The following DLC1 variants were observed in gnomAD, a reference collection of about 807,000 sequenced individuals.
The protein encoded by DLC1 is rho GTPase-activating protein 7.
Under a neutral mutation model 140.3 loss-of-function variants are expected in DLC1, and 54 were observed. The ratio of observed to expected loss-of-function variants is 0.38; its 90% CI spans 0.31 to 0.48. DLC1 has a LOEUF of 0.48. Ranked by LOEUF, DLC1 falls within the 20% of genes least tolerant of loss-of-function variation. DLC1 has a pLI of 0.96. For missense variants in DLC1, 2,536 were observed against 1,907.0 expected, an observed-to-expected ratio of 1.33 and a Z score of -6.14; for synonymous variants, 986 against 728.1, an observed-to-expected ratio of 1.35 and a Z score of -5.70.
At chr8:13,412,068 A>G (rs1207153115) in intron 2 of DLC1, among the ~76,000 whole-genome samples, 1 of 152,210 alleles carries the variant, frequency 6.6e-6, no homozygotes, top group East Asian at 1.9e-4. Flanking sequence ...ACAATTATAG[A>G]CTGGGAGAAA....
chr8:13,424,004 A>G (rs754556309), intron 2 of DLC1, among the ~76,000 whole-genome samples: 2 of 152,212 alleles, frequency 1.3e-5, no homozygotes, highest in Non-Finnish European at 2.9e-5. Flanking sequence ...TACTACAGCT[A>G]TAAAAATAGA....
intron 1 of DLC1, among the ~76,000 whole-genome samples, chr8:13,570,537 T>C (rs1007514120): frequency 7.1e-6 from 1 of 141,248 alleles, no homozygotes; most frequent in African/African-American, 2.7e-5. Flanking sequence ...TGAGTGAGAA[T>C]ATGCGGTGTT....
At chr8:13,123,253 T>C (rs1000283529) in intron 5 of DLC1, among the ~76,000 whole-genome samples, 1 of 152,138 alleles carries the variant, frequency 6.6e-6, no homozygotes, top group African/African-American at 2.4e-5. Flanking sequence ...TCCTGGCCCC[T>C]GTCAGGACCC....
At chr8:13,187,335 G>A (rs914640237) in intron 5 of DLC1, among the ~76,000 whole-genome samples, 4 of 152,144 alleles carry the variant, frequency 2.6e-5, no homozygotes, top group African/African-American at 9.7e-5. Flanking sequence ...TATAATAGGT[G>A]CTCAATAGAT....
Position 13,347,618 on chromosome 8 carries a change from G to C in DLC1, c.1315-42316C>G, listed in dbSNP as rs1834411971. On this transcript the variant is annotated intron_variant, in intron 4 of 17. Transcript: ENST00000276297. ...TAGGCACCAGAAGATGGAGTTGAAAGATAAAGAAAAGTGGCTGTAGTTTTT... is the reference window on the plus strand; with the variant it reads ...TAGGCACCAGAAGATGGAGTTGAAACATAAAGAAAAGTGGCTGTAGTTTTT... Among the ~76,000 whole-genome samples, 3 of 152,202 alleles carry C rather than the reference G, an allele frequency of 2.0e-5. 1 individual carries two copies. The highest frequency in any genetic ancestry group is 2.0e-4 in the Admixed American group (3 of 15,274).
chr8:13,096,603 G>A (rs770785864), intron 10 of DLC1, among the ~76,000 whole-genome samples: 1 of 152,082 alleles, frequency 6.6e-6, no homozygotes, highest in Non-Finnish European at 1.5e-5. Context: ...TGAAGCATGT[G>A]AGGATAAACC....
chr8:13,281,528 T>C (rs1183543717), intron 5 of DLC1, among the ~76,000 whole-genome samples: 1 of 152,184 alleles, frequency 6.6e-6, no homozygotes, highest in African/African-American at 2.4e-5. Context: ...ACAAAGCACA[T>C]AAGTACCATG....
At chr8:13,434,274 T>C (rs1839014117) in intron 2 of DLC1, among the ~76,000 whole-genome samples, 1 of 152,232 alleles carries the variant, frequency 6.6e-6, no homozygotes, top group Non-Finnish European at 1.5e-5. Context: ...AGAGGTGAGA[T>C]GGAACAGTGA....
At chr8:13,171,696 C>G (rs991465749) in intron 5 of DLC1, among the ~76,000 whole-genome samples, 2 of 152,136 alleles carry the variant, frequency 1.3e-5, no homozygotes, top group African/African-American at 4.8e-5. Context: ...CCCACACTTC[C>G]TTTTAAAAAG....
At chr8:13,598,959 C>A (rs951043468) in intron 1 of DLC1, among the ~76,000 whole-genome samples, 1 of 151,468 alleles carries the variant, frequency 6.6e-6, no homozygotes, top group African/African-American at 2.4e-5. Flanking sequence ...TTTAAAATAA[C>A]CTATAGTTAT....
In DLC1 at chr8:13,491,406, G is replaced by A. The variant is rs117429261; in HGVS notation, c.1023+7643C>T. Among the ~76,000 whole-genome samples the A allele has an allele frequency of 1.1e-4, 16 of 152,066 alleles. No homozygotes were observed. The East Asian group carries it at 2.9e-3, about 28-fold the overall frequency. Reference sequence around the variant, plus strand: ...TGACATTTTTGATATGGACTCCCCTGCAAGCATGTGTATGTTACTTACTTA... The same window carrying A: ...TGACATTTTTGATATGGACTCCCCTACAAGCATGTGTATGTTACTTACTTA... On this transcript the variant is annotated intron_variant, in intron 2 of 17. Transcript: ENST00000276297.
At chr8:13,520,615 G>C (rs769327228) in intron 1 of DLC1, among the ~76,000 whole-genome samples, 3 of 151,946 alleles carry the variant, frequency 2.0e-5, no homozygotes, top group Non-Finnish European at 4.4e-5. Context: ...AGAACTTAAA[G>C]TATAATTAAA....
chr8:13,234,395 G>A (rs1829189253), intron 5 of DLC1, among the ~76,000 whole-genome samples: 1 of 152,014 alleles, frequency 6.6e-6, no homozygotes, highest in Non-Finnish European at 1.5e-5. Flanking sequence ...AATGAAATAG[G>A]TCTATTTCAA....
At chr8:13,541,744 T>C (rs1803491897) in intron 1 of DLC1, among the ~76,000 whole-genome samples, 1 of 152,092 alleles carries the variant, frequency 6.6e-6, no homozygotes. Flanking sequence ...AGAGATGGGG[T>C]TTCACCGTGT....
chr8:13,195,368 C>T (rs985919433), intron 5 of DLC1, among the ~76,000 whole-genome samples: 4 of 152,164 alleles, frequency 2.6e-5, no homozygotes, highest in African/African-American at 9.7e-5. Context: ...CATGTTCTTA[C>T]AGGTAGCAAC....
At chr8:13,255,329 C>G (rs1255339917) in intron 5 of DLC1, among the ~76,000 whole-genome samples, 1 of 152,070 alleles carries the variant, frequency 6.6e-6, no homozygotes, top group Non-Finnish European at 1.5e-5. Flanking sequence ...AAGACCTATA[C>G]CTCATTGTAA....
At chr8:13,238,284 G>T (rs1829383569) in intron 5 of DLC1, among the ~76,000 whole-genome samples, 1 of 152,088 alleles carries the variant, frequency 6.6e-6, no homozygotes, top group Non-Finnish European at 1.5e-5. Flanking sequence ...AACTAATTTT[G>T]GTCATCCTTC....
chr8:13,567,788 CTG>C, intron 1 of DLC1: 1 of 1,551,880 alleles, frequency 6.4e-7, no homozygotes, highest in Non-Finnish European at 8.7e-7. Context: ...AAAAGACTGA[CTG>C]AGAAAAGTCA....
chr8:13,242,123 G>A (rs945270599), intron 5 of DLC1, among the ~76,000 whole-genome samples: 3 of 152,100 alleles, frequency 2.0e-5, no homozygotes, highest in East Asian at 1.9e-4. Context: ...GCTCGTATCT[G>A]TTGAGTAAGG....
Sources: allele counts gnomAD v4.1 joint callset (sites outside exome capture counted in the v4.1 genomes callset), GRCh38; gene constraint gnomAD v4.1.1; transcripts MANE v1.5; gene names NCBI Gene and HGNC (gene_info 2026-07-23, HGNC 2026-07-21).